CADPS2: variants seen among roughly 807,000 people sequenced by gnomAD.
The protein encoded by CADPS2 is calcium-dependent secretion activator 2.
CADPS2 carries 93 observed loss-of-function variants against 172.5 expected under a neutral mutation model. The observed-to-expected ratio is 0.54, with a 90% CI of 0.46 to 0.64. The LOEUF is 0.64. Among genes scored for constraint, CADPS2 ranks in the 30% least tolerant of loss-of-function variants. The pLI, the probability that CADPS2 is intolerant of heterozygous loss-of-function variation, is 0.00. For synonymous variants in CADPS2, 546 were observed against 555.2 expected (o/e 0.98, Z 0.23); for missense variants, 1,420 against 1,565.9 (o/e 0.91, Z 1.57).
chr7:122,653,021 G>C (rs1400783193), intron 3 of CADPS2, among the ~76,000 whole-genome samples: 1 of 152,074 alleles, frequency 6.6e-6, no homozygotes, highest in Non-Finnish European at 1.5e-5. Flanking sequence ...CACTCCTGAT[G>C]CTAATCCTGA....
chr7:122,470,792 G>A lies in CADPS2; in HGVS notation c.2186+583C>T, dbSNP rs539176749. On this transcript the variant is annotated intron_variant, in intron 14 of 29. Transcript: ENST00000449022. ...ATTACAGGTGTAAGCCACCACACGC[G>A]GCATGATATGGACAGATTTTTAAGG... Among the ~76,000 whole-genome samples, 23 of 152,194 alleles carry A rather than the reference G, an allele frequency of 1.5e-4. No homozygotes were observed. The East Asian group carries it at 2.9e-3, about 19-fold the overall frequency.
intron 15 of CADPS2, among the ~76,000 whole-genome samples, chr7:122,446,551 C>T (rs1334253412): frequency 1.3e-5 from 2 of 152,186 alleles, no homozygotes; most frequent in African/African-American, 2.4e-5. Context: ...ACTAGAACTA[C>T]CCCTGGTCCT....
chr7:122,619,459 C>CA (rs113157386), intron 5 of CADPS2, among the ~76,000 whole-genome samples: 1,084 of 95,356 alleles, frequency 0.011, 5 homozygotes, highest in Middle Eastern at 0.026. Flanking sequence ...CTAAAAAATA[C>CA]AAAAAAAAAA....
chr7:122,661,844 A>G (rs901115818), intron 3 of CADPS2, among the ~76,000 whole-genome samples: 2 of 152,234 alleles, frequency 1.3e-5, no homozygotes, highest in South Asian at 2.1e-4. Flanking sequence ...AATTATGTTA[A>G]TCAACATTTA....
intron 2 of CADPS2, among the ~76,000 whole-genome samples, chr7:122,667,368 C>T (rs1026825833): frequency 1.3e-5 from 2 of 152,186 alleles, no homozygotes; most frequent in African/African-American, 2.4e-5. Context: ...AGAGTCAGAG[C>T]TAGATTCCAC....
intron 2 of CADPS2, among the ~76,000 whole-genome samples, chr7:122,704,363 T>TC (rs2086653028): frequency 6.6e-6 from 1 of 152,032 alleles, no homozygotes; most frequent in African/African-American, 2.4e-5. Context: ...TTTTTTTTTT[T>TC]CATGTTCAAA....
At chr7:122,865,855 T>A (rs978358340) in intron 1 of CADPS2, among the ~76,000 whole-genome samples, 1 of 152,160 alleles carries the variant, frequency 6.6e-6, no homozygotes, top group African/African-American at 2.4e-5. Context: ...ATATTCCAAG[T>A]GGAAGAAAGG....
At chr7:122,860,385 C>T (rs1816623586) in intron 1 of CADPS2, among the ~76,000 whole-genome samples, 2 of 152,218 alleles carry the variant, frequency 1.3e-5, no homozygotes, top group African/African-American at 4.8e-5. Context: ...TGCCACCACA[C>T]CTGGCTAAAT....
At chr7:122,678,317 G>A (rs1030577024) in intron 2 of CADPS2, among the ~76,000 whole-genome samples, 1 of 152,176 alleles carries the variant, frequency 6.6e-6, no homozygotes, top group Non-Finnish European at 1.5e-5. Flanking sequence ...GTGTGGTTTT[G>A]TTGCTGTATT....
At chr7:122,645,679 A>ATCTCTC (rs1467040074) in intron 3 of CADPS2, among the ~76,000 whole-genome samples, 76 of 65,398 alleles carry the variant, frequency 1.2e-3, no homozygotes, top group Non-Finnish European at 1.9e-3. Flanking sequence ...ATATATATAT[A>ATCTCTC]TATCTTGGGA....
chr7:122,727,565 A>G (rs2091233715), intron 2 of CADPS2, among the ~76,000 whole-genome samples: 2 of 151,916 alleles, frequency 1.3e-5, no homozygotes, highest in African/African-American at 4.8e-5. Context: ...TGAAAAATTG[A>G]CACTCTCAGT....
chr7:122,652,374 C>T (rs1048063640), intron 3 of CADPS2, among the ~76,000 whole-genome samples: 1 of 152,056 alleles, frequency 6.6e-6, no homozygotes, highest in African/African-American at 2.4e-5. Context: ...TTAGGAAAGG[C>T]AGTTGATTAA....
chr7:122,750,445 C>T (rs1350120990), intron 1 of CADPS2, among the ~76,000 whole-genome samples: 2 of 152,054 alleles, frequency 1.3e-5, no homozygotes, highest in African/African-American at 4.8e-5. Context: ...CTTTCTATGT[C>T]TTTGACAACA....
intron 7 of CADPS2, among the ~76,000 whole-genome samples, chr7:122,572,451 T>G (rs1483409999): frequency 6.6e-6 from 1 of 152,176 alleles, no homozygotes; most frequent in African/African-American, 2.4e-5. Context: ...GAACTCAATC[T>G]ATTAATGGAC....
chr7:122,786,040 G>A (rs1793965693), intron 1 of CADPS2, among the ~76,000 whole-genome samples: 1 of 152,154 alleles, frequency 6.6e-6, no homozygotes, highest in South Asian at 2.1e-4. Context: ...GGATAATATG[G>A]ACTTTTATTT....
chr7:122,834,791 C>T (rs913186132), intron 1 of CADPS2, among the ~76,000 whole-genome samples: 1 of 152,162 alleles, frequency 6.6e-6, no homozygotes, highest in African/African-American at 2.4e-5. Context: ...AGCCTGGAAG[C>T]TCGAACTGGG....
chr7:122,774,116 A>C (rs545395488), intron 1 of CADPS2, among the ~76,000 whole-genome samples: 1 of 152,168 alleles, frequency 6.6e-6, no homozygotes, highest in South Asian at 2.1e-4. Context: ...ATAACTTTTC[A>C]ATTACATTTT....
At chr7:122,560,735 T>C (rs929931916) in intron 7 of CADPS2, among the ~76,000 whole-genome samples, 6 of 152,178 alleles carry the variant, frequency 3.9e-5, no homozygotes, top group African/African-American at 1.2e-4. Flanking sequence ...TTGATGTTTC[T>C]TTTTCTCTTT....
intron 27 of CADPS2, among the ~76,000 whole-genome samples, chr7:122,346,075 T>C (rs1002980053): frequency 2.0e-5 from 3 of 152,056 alleles, no homozygotes; most frequent in Non-Finnish European, 2.9e-5. Flanking sequence ...ATCAATAATA[T>C]TTAAAAATGC....
Sources: gnomAD v4.1 joint callset for allele counts (sites outside exome capture counted in the v4.1 genomes callset) on GRCh38, gnomAD v4.1.1 for gene constraint, MANE v1.5 for transcripts, NCBI Gene and HGNC (gene_info 2026-07-23, HGNC 2026-07-21) for gene names.